Variants in KCNQ3 observed in about 807,000 individuals in gnomAD.
The protein encoded by KCNQ3 is potassium voltage-gated channel subfamily Q member 3.
Under a neutral mutation model 92.5 loss-of-function variants are expected in KCNQ3, and 30 were observed. The ratio of observed to expected loss-of-function variants is 0.32; its 90% CI spans 0.24 to 0.44. The LOEUF is 0.44. Ranked by LOEUF, KCNQ3 falls within the 20% of genes least tolerant of loss-of-function variation. The probability of loss-of-function intolerance (pLI) is 1.00; values close to 1 mark genes in which losing one functional copy is unlikely to be tolerated. For synonymous variants in KCNQ3, 450 were observed against 468.8 expected (o/e 0.96, Z 0.52); for missense variants, 913 against 1,140.3 (o/e 0.80, Z 2.87).
rs551735715 is a variant in KCNQ3 at position 132,186,213 on chromosome 8, C to T, written c.387-32G>A. The T allele has an allele frequency of 2.0e-6, 3 of 1,515,716 alleles. No homozygotes were observed. The Admixed American group carries it at 5.0e-5, about 25-fold the overall frequency. 93.9% of individuals were successfully genotyped at this position (1,515,716 alleles called of 1,614,324 possible). On this transcript the variant is annotated intron_variant, in intron 1 of 14. Coordinates refer to ENST00000388996, the MANE Select transcript of KCNQ3 (RefSeq NM_004519.4). ...GGGAAGAAAGAAATGGACTAAGGAA[C>T]CTTTGAGTCATGGCTTGCTTTGAGG...
intron 8 of KCNQ3, among the ~76,000 whole-genome samples, chr8:132,165,155 C>T (rs1355616530): frequency 6.6e-6 from 1 of 152,212 alleles, no homozygotes; most frequent in Non-Finnish European, 1.5e-5. Flanking sequence ...TGCTCATTTC[C>T]TCATCACCCT....
intron 1 of KCNQ3, among the ~76,000 whole-genome samples, chr8:132,277,289 C>T (rs1816364289): frequency 6.6e-6 from 1 of 152,198 alleles, no homozygotes; most frequent in Non-Finnish European, 1.5e-5. Context: ...CACATTCAAA[C>T]TCAGGACTCT....
chr8:132,197,375 C>A (rs780770400), intron 1 of KCNQ3, among the ~76,000 whole-genome samples: 2 of 152,240 alleles, frequency 1.3e-5, no homozygotes, highest in Non-Finnish European at 2.9e-5. Flanking sequence ...ACAACAGCCC[C>A]ATTAACACTG....
intron 1 of KCNQ3, among the ~76,000 whole-genome samples, chr8:132,322,750 T>G (rs1220280354): frequency 6.6e-6 from 1 of 152,190 alleles, no homozygotes; most frequent in Non-Finnish European, 1.5e-5. Flanking sequence ...CAGAAAGCTT[T>G]GTCCTCATCC....
intron 1 of KCNQ3, among the ~76,000 whole-genome samples, chr8:132,415,901 T>C (rs1384352105): frequency 1.3e-5 from 2 of 152,092 alleles, no homozygotes; most frequent in Non-Finnish European, 2.9e-5. Flanking sequence ...ATGAACAAAA[T>C]ATTGAGAAAC....
intron 1 of KCNQ3, among the ~76,000 whole-genome samples, chr8:132,367,552 G>A (rs1230007572): frequency 1.3e-5 from 2 of 152,176 alleles, no homozygotes; most frequent in African/African-American, 4.8e-5. Flanking sequence ...TAAGCTACTA[G>A]GTGGACTTTG....
chr8:132,232,776 C>T (rs373353715), intron 1 of KCNQ3, among the ~76,000 whole-genome samples: 11 of 152,320 alleles, frequency 7.2e-5, no homozygotes, highest in Non-Finnish European at 1.2e-4. Context: ...CAAATACTCA[C>T]GCCCCAGCTT....
intron 1 of KCNQ3, among the ~76,000 whole-genome samples, chr8:132,419,943 T>A (rs191610114): frequency 6.6e-6 from 1 of 152,336 alleles, no homozygotes; most frequent in Admixed American, 6.5e-5. Flanking sequence ...ACATGGGTAC[T>A]GTCTCAGTCA....
At chr8:132,258,851 A>T (rs183039029) in intron 1 of KCNQ3, among the ~76,000 whole-genome samples, 2 of 152,188 alleles carry the variant, frequency 1.3e-5, no homozygotes, top group Admixed American at 1.3e-4. Context: ...AAATAAAGAG[A>T]ATTATAAGAA....
At chr8:132,385,175 TGA>T (rs1396362657) in intron 1 of KCNQ3, among the ~76,000 whole-genome samples, 4 of 152,254 alleles carry the variant, frequency 2.6e-5, no homozygotes, top group African/African-American at 4.8e-5. Context: ...GAAACAATTC[TGA>T]GAGATCATCC....
chr8:132,447,873 C>T (rs1299775111), intron 1 of KCNQ3, among the ~76,000 whole-genome samples: 1 of 152,190 alleles, frequency 6.6e-6, no homozygotes, highest in Non-Finnish European at 1.5e-5. Flanking sequence ...GAAGTTACCA[C>T]GGCGTAAGTA....
At chr8:132,405,618 T>C (rs1409176393) in intron 1 of KCNQ3, among the ~76,000 whole-genome samples, 2 of 152,046 alleles carry the variant, frequency 1.3e-5, no homozygotes, top group East Asian at 1.9e-4. Flanking sequence ...AGGTGAATGA[T>C]GGGGGGACCC....
chr8:132,428,536 C>A (rs1332643555), intron 1 of KCNQ3, among the ~76,000 whole-genome samples: 2 of 152,222 alleles, frequency 1.3e-5, no homozygotes, highest in African/African-American at 4.8e-5. Context: ...CACACACACA[C>A]ACATACACAC....
chr8:132,249,683 C>T (rs1020822837), intron 1 of KCNQ3, among the ~76,000 whole-genome samples: 15 of 152,192 alleles, frequency 9.9e-5, no homozygotes, highest in Admixed American at 8.5e-4. Flanking sequence ...GGGCAGTCGA[C>T]GGGACTGGGC....
chr8:132,221,066 G>A (rs934998486), intron 1 of KCNQ3, among the ~76,000 whole-genome samples: 2 of 152,126 alleles, frequency 1.3e-5, no homozygotes, highest in African/African-American at 4.8e-5. Context: ...AACATGCAGT[G>A]TTTGGTTTTC....
intron 1 of KCNQ3, among the ~76,000 whole-genome samples, chr8:132,417,289 G>A (rs1820842392): frequency 6.6e-6 from 1 of 152,194 alleles, no homozygotes; most frequent in Admixed American, 6.5e-5. Context: ...GAGACCAGTT[G>A]TCAGAAACCA....
intron 1 of KCNQ3, among the ~76,000 whole-genome samples, chr8:132,219,746 T>A (rs888001290): frequency 6.6e-6 from 1 of 152,200 alleles, no homozygotes; most frequent in African/African-American, 2.4e-5. Flanking sequence ...TTGTCCTGCC[T>A]CAAATCCTCT....
At chr8:132,322,162 C>T (rs1025942811) in intron 1 of KCNQ3, among the ~76,000 whole-genome samples, 2 of 152,100 alleles carry the variant, frequency 1.3e-5, no homozygotes, top group Non-Finnish European at 2.9e-5. Flanking sequence ...TGCAATTCTT[C>T]GGTGGCATCT....
rs542059386 is a variant in KCNQ3, at chr8:132,301,505, T to C, written c.387-115324A>G. ...CACTTTACTCTGAAATCGTAAATAA[T>C]AACAGGTCCATAATTAAACAACTAA... On this transcript the variant is annotated intron_variant, in intron 1 of 14. Transcript: ENST00000388996. 6.6e-5 allele frequency among the ~76,000 whole-genome samples: 10 copies of C among 152,290 alleles called. No individual in the cohort carries two copies. The South Asian group carries it at 2.1e-3, about 32-fold the overall frequency.
Sources: gnomAD v4.1 joint callset for allele counts (sites outside exome capture counted in the v4.1 genomes callset) on GRCh38, gnomAD v4.1.1 for gene constraint, MANE v1.5 for transcripts, NCBI Gene and HGNC (gene_info 2026-07-23, HGNC 2026-07-21) for gene names.